CPNE4: variants seen among roughly 807,000 people sequenced by gnomAD.
CPNE4 encodes copine-4.
A neutral mutation model predicts 67.9 loss-of-function variants in CPNE4; 25 were observed. The observed-to-expected ratio is 0.37, with a 90% CI of 0.27 to 0.51. The LOEUF (loss-of-function observed/expected upper bound fraction) is 0.51, where lower values mean the gene tolerates loss of function less well. Ranked by LOEUF, CPNE4 falls within the 20% of genes least tolerant of loss-of-function variation. The pLI is 0.93. For missense variants in CPNE4, 464 were observed against 690.8 expected (o/e 0.67, Z 3.68); for synonymous variants, 242 against 244.9 (o/e 0.99, Z 0.11).
intron 2 of CPNE4, among the ~76,000 whole-genome samples, chr3:131,817,804 G>A (rs1046795401): frequency 2.0e-5 from 3 of 151,996 alleles, no homozygotes; most frequent in African/African-American, 7.3e-5. Context: ...GACTGAAAAG[G>A]GATACAGAAA....
At chr3:131,770,521 G>A (rs756799895) in intron 2 of CPNE4, among the ~76,000 whole-genome samples, 25 of 152,216 alleles carry the variant, frequency 1.6e-4, no homozygotes, top group Admixed American at 1.5e-3. Context: ...TAGCAACCAG[G>A]GGAGACAAGG....
At chr3:131,613,650 A>G (rs1939973008) in intron 7 of CPNE4, among the ~76,000 whole-genome samples, 1 of 152,204 alleles carries the variant, frequency 6.6e-6, no homozygotes, top group Non-Finnish European at 1.5e-5. Flanking sequence ...ATGTGAGTCA[A>G]AAGGGAATTT....
intron 2 of CPNE4, among the ~76,000 whole-genome samples, chr3:131,739,384 G>C (rs1416737374): frequency 6.6e-6 from 1 of 152,108 alleles, no homozygotes. Context: ...AAAGGCTCTC[G>C]TGTACATTTT....
chr3:131,793,475 C>T (rs1296022600), intron 2 of CPNE4, among the ~76,000 whole-genome samples: 1 of 152,166 alleles, frequency 6.6e-6, no homozygotes, highest in East Asian at 1.9e-4. Context: ...ACAACAGCAG[C>T]AGCAACAACA....
intron 7 of CPNE4, among the ~76,000 whole-genome samples, chr3:131,615,137 A>G (rs370124112): frequency 1.4e-4 from 22 of 152,186 alleles, no homozygotes; most frequent in East Asian, 7.7e-4. Flanking sequence ...ACGATATGCT[A>G]TTCCTAGGAC....
chr3:131,997,314 T>A (rs1364247461), intron 1 of CPNE4, among the ~76,000 whole-genome samples: 1 of 152,044 alleles, frequency 6.6e-6, no homozygotes, highest in East Asian at 1.9e-4. Context: ...TAGTTCCATC[T>A]CCTCCCCACT....
intron 2 of CPNE4, among the ~76,000 whole-genome samples, chr3:131,903,641 T>C (rs2088635230): frequency 6.6e-6 from 1 of 152,086 alleles, no homozygotes; most frequent in African/African-American, 2.4e-5. Flanking sequence ...CTGACTGCTC[T>C]TGGGAAAATC....
chr3:131,744,003 GA>G (rs1419204844), intron 2 of CPNE4, among the ~76,000 whole-genome samples: 1 of 139,088 alleles, frequency 7.2e-6, no homozygotes, highest in Non-Finnish European at 1.6e-5. Flanking sequence ...GCATTATAAT[GA>G]AAATCAGTAA....
rs1180217711 is a variant in CPNE4 at position 131,973,597 on chromosome 3, AGCAGAGCTGGTG to A, written c.-2+60958_-2+60969del. Among the ~76,000 whole-genome samples the A allele has an allele frequency of 3.3e-5, 5 of 152,344 alleles. No homozygotes were observed. The East Asian group carries it at 7.7e-4, about 24-fold the overall frequency. ...TTAAGTAATTTTTTCAAGGTCTCCCAGCAGAGCTGGTGGCAGAGCTGGTATTCAAACCCAGGC... is the reference window on the plus strand; with the variant it reads ...TTAAGTAATTTTTTCAAGGTCTCCCAGCAGAGCTGGTATTCAAACCCAGGC... On this transcript the variant is annotated intron_variant, in intron 1 of 15. Transcript: ENST00000429747.
chr3:131,945,586 T>C (rs1225025), intron 1 of CPNE4, among the ~76,000 whole-genome samples: 113,363 of 152,074 alleles, frequency 0.75, 42,475 homozygotes, highest in Admixed American at 0.82. Context: ...AAGTCTGAGG[T>C]CCTTCCTACC....
chr3:132,010,653 A>G (rs1199982243), intron 1 of CPNE4, among the ~76,000 whole-genome samples: 3 of 152,158 alleles, frequency 2.0e-5, no homozygotes, highest in African/African-American at 7.2e-5. Flanking sequence ...TTGTCGATAC[A>G]TGATACTTAG....
At chr3:132,014,168 T>G (rs1344050836) in intron 1 of CPNE4, among the ~76,000 whole-genome samples, 1 of 152,196 alleles carries the variant, frequency 6.6e-6, no homozygotes, top group Non-Finnish European at 1.5e-5. Context: ...AAGACATGTC[T>G]GCAGCTCTGT....
chr3:131,725,136 A>C, intron 2 of CPNE4, among the ~76,000 whole-genome samples: 1 of 152,236 alleles, frequency 6.6e-6, no homozygotes, highest in Non-Finnish European at 1.5e-5. Flanking sequence ...AGTAAAGGAA[A>C]ATAGTCTCTC....
intron 1 of CPNE4, among the ~76,000 whole-genome samples, chr3:131,906,641 C>T (rs1202484344): frequency 6.6e-6 from 1 of 151,886 alleles, no homozygotes; most frequent in Non-Finnish European, 1.5e-5. Context: ...TTTTCTTAAT[C>T]CAGTCTATCA....
At chr3:131,653,784 A>G (rs1217469237) in intron 7 of CPNE4, among the ~76,000 whole-genome samples, 2 of 152,248 alleles carry the variant, frequency 1.3e-5, no homozygotes, top group Non-Finnish European at 2.9e-5. Context: ...CACTTGAAGT[A>G]GGAAGCCTAC....
chr3:131,998,647 C>T (rs183471183), intron 1 of CPNE4, among the ~76,000 whole-genome samples: 2 of 152,196 alleles, frequency 1.3e-5, no homozygotes, highest in Admixed American at 6.5e-5. Flanking sequence ...CACTGAGAAA[C>T]TGTTCCTATT....
chr3:131,796,786 AGCATCAGT>A lies in CPNE4; in HGVS notation c.181-73169_181-73162del, dbSNP rs1417196215. On this transcript the variant is annotated intron_variant, in intron 2 of 15. Transcript: ENST00000429747. The stretch of plus-strand genomic sequence containing the variant: ...ATGAACAGAAACCTCCCACTCAAAG[AGCATCAGT>A]GCCACTGTGGCTCACTGAAGCAGCT... Among the ~76,000 whole-genome samples, 35 of 152,312 alleles carry A rather than the reference AGCATCAGT, an allele frequency of 2.3e-4. 1 individual carries two copies. The highest frequency in any genetic ancestry group is 8.2e-4 in the African/African-American group (34 of 41,568).
intron 9 of CPNE4, among the ~76,000 whole-genome samples, chr3:131,576,958 T>C (rs1014556719): frequency 1.3e-5 from 2 of 151,998 alleles, no homozygotes; most frequent in Admixed American, 1.3e-4. Context: ...GATTGGTTTG[T>C]ATATCAAAGG....
At chr3:131,540,474 A>G (rs1330050264) in intron 15 of CPNE4, among the ~76,000 whole-genome samples, 1 of 152,220 alleles carries the variant, frequency 6.6e-6, no homozygotes, top group Non-Finnish European at 1.5e-5. Context: ...TCTGAAGAGC[A>G]TATGCTAAAG....
Sources: allele counts gnomAD v4.1 joint callset (sites outside exome capture counted in the v4.1 genomes callset), GRCh38; gene constraint gnomAD v4.1.1; transcripts MANE v1.5; gene names NCBI Gene and HGNC (gene_info 2026-07-23, HGNC 2026-07-21).